THSD1: variants seen among roughly 807,000 people sequenced by gnomAD.
THSD1 encodes thrombospondin type-1 domain-containing protein 1.
Under a neutral mutation model 46.3 loss-of-function variants are expected in THSD1, and 34 were observed. The observed-to-expected ratio is 0.74, with a 90% CI of 0.56 to 0.98. THSD1 has a LOEUF of 0.98. Ranked by LOEUF, THSD1 falls within the 50% of genes least tolerant of loss-of-function variation. The pLI is 0.00. For missense variants in THSD1, 1,023 were observed against 1,058.3 expected (o/e 0.97, Z 0.46); for synonymous variants, 407 against 416.5 (o/e 0.98, Z 0.28).
intron 3 of THSD1, among the ~76,000 whole-genome samples, chr13:52,388,172 C>A (rs1264299901): frequency 2.7e-5 from 4 of 148,680 alleles, no homozygotes; most frequent in African/African-American, 1.0e-4. Flanking sequence ...GAAAAAGCTA[C>A]CACCCCAGTA....
chr13:52,379,356 C>T (rs1360773382), intron 4 of THSD1, among the ~76,000 whole-genome samples: 2 of 152,164 alleles, frequency 1.3e-5, no homozygotes, highest in Non-Finnish European at 2.9e-5. Context: ...AACAGAGACC[C>T]ACAGAAGCGA....
chr13:52,402,478 C>T, intron 2 of THSD1, 65 bp downstream of exon 2: 1 of 1,487,522 alleles, frequency 6.7e-7, no homozygotes, highest in Non-Finnish European at 9.4e-7. Flanking sequence ...AACATCAATG[C>T]ATTTATAATG....
rs905651044 is a variant in THSD1 at position 52,397,109 on chromosome 13, T to C, written c.1021+123A>G. The C allele has an allele frequency of 7.0e-6, 6 of 858,138 alleles. No individual in the cohort carries two copies. The African/African-American group carries it at 1.0e-4, about 15-fold the overall frequency. 53.2% of individuals were successfully genotyped at this position (858,138 alleles called of 1,614,324 possible). A position where few individuals can be genotyped will look rare whatever the true frequency, so the allele number is the denominator to read the frequency against. ...AGCTAAGGGTGATAATGCCAATTGG[T>C]ACATTATAAGGCATGAACCATAAAA... On this transcript the variant is annotated intron_variant, in intron 3 of 4. Transcript: ENST00000258613.
intron 4 of THSD1, among the ~76,000 whole-genome samples, chr13:52,380,092 ACTTTT>A (rs1378857328): frequency 1.3e-5 from 2 of 151,792 alleles, no homozygotes; most frequent in Non-Finnish European, 2.9e-5. Flanking sequence ...TGTGAGGGGT[ACTTTT>A]CTTCTTTTTC....
intron 4 of THSD1, among the ~76,000 whole-genome samples, chr13:52,379,480 T>C (rs1189358765): frequency 1.3e-5 from 2 of 152,042 alleles, no homozygotes; most frequent in Admixed American, 1.3e-4. Context: ...TTTCTTTTTT[T>C]TTTTGTTTTG....
At chr13:52,390,022 A>T (rs1957761589) in intron 3 of THSD1, among the ~76,000 whole-genome samples, 1 of 151,894 alleles carries the variant, frequency 6.6e-6, no homozygotes, top group Non-Finnish European at 1.5e-5. Flanking sequence ...CACCTGTAGT[A>T]CCAGCTACTC....
intron 3 of THSD1, among the ~76,000 whole-genome samples, chr13:52,387,490 A>G (rs902823970): frequency 2.0e-5 from 3 of 152,220 alleles, no homozygotes; most frequent in African/African-American, 7.2e-5. Context: ...AGTAATCAAG[A>G]TAACCAGACT....
intron 2 of THSD1, among the ~76,000 whole-genome samples, chr13:52,402,043 C>T (rs560683266): frequency 1.3e-5 from 2 of 152,314 alleles, no homozygotes; most frequent in Non-Finnish European, 2.9e-5. Context: ...ATTATCATAA[C>T]AACCCTGTAA....
intron 4 of THSD1, among the ~76,000 whole-genome samples, chr13:52,383,208 C>T (rs1384900714): frequency 1.3e-5 from 2 of 152,168 alleles, no homozygotes; most frequent in Non-Finnish European, 2.9e-5. Context: ...TTCCCGACCA[C>T]AGTCACAGCA....
chr13:52,385,924 C>A (rs1189298488), intron 4 of THSD1, 104 bp downstream of exon 4: 1 of 1,042,558 alleles, frequency 9.6e-7, no homozygotes, highest in African/African-American at 1.6e-5. Context: ...ATTAATGAGT[C>A]TACTCCTGAT....
chr13:52,393,922 A>T (rs976841164), intron 3 of THSD1, among the ~76,000 whole-genome samples: 2 of 152,234 alleles, frequency 1.3e-5, no homozygotes, highest in Non-Finnish European at 2.9e-5. Flanking sequence ...CAACAGAGTC[A>T]GAGATGGTCT....
chr13:52,391,122 G>C (rs1271011616), intron 3 of THSD1, among the ~76,000 whole-genome samples: 1 of 152,190 alleles, frequency 6.6e-6, no homozygotes, highest in Non-Finnish European at 1.5e-5. Flanking sequence ...AGAATGGAGA[G>C]AGTGTTTTAT....
intron 3 of THSD1, among the ~76,000 whole-genome samples, chr13:52,395,451 G>C (rs896956453): frequency 6.6e-6 from 1 of 152,092 alleles, no homozygotes; most frequent in Non-Finnish European, 1.5e-5. Context: ...GCAGTGTTAG[G>C]GGGTACAAGG....
At chr13:52,380,650 A>G (rs943374206) in intron 4 of THSD1, among the ~76,000 whole-genome samples, 2 of 151,556 alleles carry the variant, frequency 1.3e-5, no homozygotes, top group Admixed American at 6.6e-5. Context: ...GGGTTTCACC[A>G]TGTTAGCCAG....
intron 3 of THSD1, among the ~76,000 whole-genome samples, chr13:52,394,269 T>C (rs9526911): frequency 0.098 from 14,846 of 152,260 alleles, 1,205 homozygotes; most frequent in African/African-American, 0.22. Context: ...TGATTCATTT[T>C]TGCTAAGTTC....
chr13:52,401,102 G>A (rs1398681005), intron 2 of THSD1, among the ~76,000 whole-genome samples: 1 of 151,538 alleles, frequency 6.6e-6, no homozygotes, highest in East Asian at 2.0e-4. Context: ...AGCCTCCCAA[G>A]TAGCTGAGAT....
intron 3 of THSD1, 86 bp downstream of exon 3, chr13:52,397,146 A>G (rs1016562256): frequency 2.0e-5 from 24 of 1,194,528 alleles, no homozygotes; most frequent in Middle Eastern, 2.9e-4. Context: ...TGATGGTACA[A>G]TTCACCTAAA....
intron 3 of THSD1, among the ~76,000 whole-genome samples, chr13:52,392,495 C>A (rs1367292045): frequency 6.6e-6 from 1 of 152,214 alleles, no homozygotes; most frequent in African/African-American, 2.4e-5. Flanking sequence ...ATGACCAATA[C>A]TCCAAATAGT....
At position 52,397,488 on chromosome 13, in the gene THSD1, C is replaced by A. The variant is rs752440346; in HGVS notation, c.765G>T (p.Gly255=). 3.1e-5 allele frequency: 50 copies of A among 1,614,028 alleles called. No homozygotes were observed. Among genetic ancestry groups the A allele is most frequent in the Middle Eastern group, 1.6e-4 (1 of 6,084 alleles). Residue 255 remains glycine (G), a synonymous_variant, in exon 3 of 5, where the codon GGG becomes GGT. Transcript: ENST00000258613. The part of the protein sequence containing the change: ...VMVPELTCES[G]VEVTVLPPPC... ...GTGGAGGCAGCACTGTCACCTCTAC[C>A]CCGGACTCACATGTGAGTTCTGGCA... is the stretch of plus-strand genomic sequence containing the variant.
Sources: allele counts gnomAD v4.1 joint callset (sites outside exome capture counted in the v4.1 genomes callset), GRCh38; gene constraint gnomAD v4.1.1; transcripts MANE v1.5; gene names NCBI Gene and HGNC (gene_info 2026-07-23, HGNC 2026-07-21).